The following RASSF5 variants were observed in gnomAD, a reference collection of about 807,000 sequenced individuals.
The protein encoded by RASSF5 is Ras association domain family member 5.
A neutral mutation model predicts 40.5 loss-of-function variants in RASSF5; 25 were observed. The ratio of observed to expected loss-of-function variants is 0.62; its 90% CI spans 0.45 to 0.86. The LOEUF is 0.86. Ranked by LOEUF, RASSF5 falls within the 40% of genes least tolerant of loss-of-function variation. RASSF5 has a pLI of 0.00. For synonymous variants in RASSF5, 246 were observed against 252.4 expected, an observed-to-expected ratio of 0.97 and a Z score of 0.24; for missense variants, 521 against 572.8, an observed-to-expected ratio of 0.91 and a Z score of 0.92.
chr1:206,536,212 C>T (rs1667389376), intron 1 of RASSF5, among the ~76,000 whole-genome samples: 1 of 152,126 alleles, frequency 6.6e-6, no homozygotes, highest in South Asian at 2.1e-4. Context: ...CATGTGGGTG[C>T]CTGCAGGTAG....
At chr1:206,518,247 C>T (rs1004936136) in intron 1 of RASSF5, 1 of 394,870 alleles carries the variant, frequency 2.5e-6, no homozygotes, top group East Asian at 3.6e-5. Context: ...CATCGTCAGT[C>T]GTTGAGGGTA....
rs150826864 is a variant in RASSF5, at chr1:206,509,788, G to C, written c.457+1729G>C. Among the ~76,000 whole-genome samples, 521 of 151,920 alleles carry C rather than the reference G, an allele frequency of 3.4e-3. 3 individuals are homozygous for C. Among genetic ancestry groups the C allele is most frequent in the African/African-American group, 0.012 (494 of 41,398 alleles). ...TGTGTATTTGCGTGTGCCTGTGTGT[G>C]ATACTCCATGACTAAATGAATTGAT... On this transcript the variant is annotated intron_variant, in intron 1 of 5. Transcript: ENST00000579436.
chr1:206,528,878 A>G (rs1553397570), intron 1 of RASSF5: 2 of 496,312 alleles, frequency 4.0e-6, no homozygotes, highest in Non-Finnish European at 7.0e-6. Flanking sequence ...TCTCTACAAA[A>G]AATTAAAAAA....
At chr1:206,557,347 A>G in intron 2 of RASSF5, 1 of 1,302,566 alleles carries the variant, frequency 7.7e-7, no homozygotes, top group South Asian at 2.1e-5. Flanking sequence ...CGGCGCGGGG[A>G]CAGGAGCAGG....
Position 206,584,288 on chromosome 1 carries a change from G to T in RASSF5, c.691-99G>T. 8.4e-7 allele frequency: 1 copy of T among 1,193,890 alleles called. No homozygotes were observed. The highest frequency in any genetic ancestry group is 1.5e-5 in the African/African-American group (1 of 65,182). 74.0% of individuals were successfully genotyped at this position (1,193,890 alleles called of 1,614,324 possible). ...TCAGCAGAGGCAGGAAAGAACTCAA[G>T]GAGACAGGTGGGTGCTGCTGGGGCA... is the stretch of plus-strand genomic sequence containing the variant. On this transcript the variant is annotated intron_variant, in intron 3 of 5. Transcript: ENST00000579436. This position sits in a 1 kb window ranked among gnomAD's most constrained non-coding sequence, Gnocchi z 4.9.
intron 2 of RASSF5, among the ~76,000 whole-genome samples, chr1:206,550,843 C>T (rs782321109): frequency 2.6e-5 from 4 of 152,146 alleles, no homozygotes; most frequent in Non-Finnish European, 5.9e-5. Context: ...AATATGGTAA[C>T]GCTCCAAAAT....
At chr1:206,582,660 A>C (rs554236343) in intron 2 of RASSF5, among the ~76,000 whole-genome samples, 149 of 152,334 alleles carry the variant, frequency 9.8e-4, no homozygotes, top group Admixed American at 2.6e-3. Flanking sequence ...CGTTCATTTG[A>C]CAAATAGATA....
intron 1 of RASSF5, among the ~76,000 whole-genome samples, chr1:206,515,245 G>A (rs930137621): frequency 5.3e-5 from 8 of 152,232 alleles, no homozygotes; most frequent in Non-Finnish European, 1.0e-4. Context: ...CCAGGGCTGG[G>A]TAATTGAGAG....
chr1:206,585,065 G>A (rs965172010), intron 4 of RASSF5, 115 bp from the exon 5 acceptor site: 105 of 728,250 alleles, frequency 1.4e-4, no homozygotes, highest in African/African-American at 1.2e-3. Flanking sequence ...TAAAAGGCCC[G>A]TGTCTACTTC....
In RASSF5 at chr1:206,584,379, G is replaced by A. The variant is rs782607936; in HGVS notation, c.691-8G>A. On this transcript the variant is annotated splice_region_variant and splice_polypyrimidine_tract_variant and intron_variant, in intron 3 of 5. Transcript: ENST00000579436. This position sits in a 1 kb window ranked among gnomAD's most constrained non-coding sequence, Gnocchi z 4.9. ...CCCTGACCCCCTGTGACATGCCCCC[G>A]CTGGCAGAGTGAAGACGGCACCTAC... 20 of 1,604,732 alleles carry A rather than the reference G, an allele frequency of 1.2e-5. No homozygotes were observed. The highest frequency in any genetic ancestry group is 1.0e-4 in the South Asian group (9 of 89,682).
At chr1:206,559,667 G>A (rs1452048783) in intron 2 of RASSF5, among the ~76,000 whole-genome samples, 1 of 152,206 alleles carries the variant, frequency 6.6e-6, no homozygotes, top group East Asian at 1.9e-4. Context: ...CAGAAGACAG[G>A]AATCCCTTCT....
chr1:206,544,974 T>TG (rs1459124944), intron 2 of RASSF5: 2 of 151,368 alleles, frequency 1.3e-5, no homozygotes, highest in African/African-American at 2.4e-5. Context: ...GATGACCACG[T>TG]GGGGGAGCCA....
chr1:206,521,173 T>C (rs1046321698), intron 1 of RASSF5, among the ~76,000 whole-genome samples: 1 of 152,156 alleles, frequency 6.6e-6, no homozygotes, highest in Admixed American at 6.5e-5. Flanking sequence ...AAAAGGCTGC[T>C]AGGGGGGTCT....
At position 206,513,002 on chromosome 1, in the gene RASSF5, G is replaced by A. The variant is rs1339932122; in HGVS notation, c.457+4943G>A. On this transcript the variant is annotated intron_variant, in intron 1 of 5. Coordinates refer to ENST00000579436, the MANE Select transcript of RASSF5 (RefSeq NM_182663.4). This position sits in a 1 kb window ranked among gnomAD's most constrained non-coding sequence, Gnocchi z 5.0. ...GGAGTCACCTGCTGGCTTTGCCAGG[G>A]ACAGTGGTAAAGTTAGAACCTCTCG... Among the ~76,000 whole-genome samples, 3 of 152,210 alleles carry A rather than the reference G, an allele frequency of 2.0e-5. No individual in the cohort carries two copies. The highest frequency in any genetic ancestry group is 2.9e-5 in the Non-Finnish European group (2 of 68,044).
chr1:206,532,555 A>G (rs1348581677), intron 1 of RASSF5, among the ~76,000 whole-genome samples: 2 of 152,224 alleles, frequency 1.3e-5, no homozygotes, highest in Non-Finnish European at 2.9e-5. Flanking sequence ...AGGTTTGCTT[A>G]AGATTGGCTT....
chr1:206,572,881 T>A (rs1553404464), intron 2 of RASSF5, among the ~76,000 whole-genome samples: 2 of 152,194 alleles, frequency 1.3e-5, no homozygotes, highest in Non-Finnish European at 2.9e-5. Context: ...ATGAAAGTCA[T>A]AATGTGGCCT....
At chr1:206,580,507 C>T (rs1553406072) in intron 2 of RASSF5, among the ~76,000 whole-genome samples, 1 of 152,160 alleles carries the variant, frequency 6.6e-6, no homozygotes, top group African/African-American at 2.4e-5. Context: ...GGGGTAGGGC[C>T]AGGGTCAGGC....
rs782230383 is a variant in RASSF5 at position 206,586,933 on chromosome 1, G to A, written c.1212G>A (p.Gln404=). Reference sequence around the variant, plus strand: ...AAAAGAAGTATGACAAGTTTAGGCAGAAACTGGAGGAGGCCTTAAGAGAAT... The same window carrying A: ...AAAAGAAGTATGACAAGTTTAGGCAAAAACTGGAGGAGGCCTTAAGAGAAT... The part of the protein sequence containing the change: ...QVQKKYDKFR[Q]KLEEALRESQ... Residue 404 remains glutamine, a synonymous_variant, in exon 6 of 6, where the codon CAG becomes CAA. Coordinates refer to ENST00000579436, the MANE Select transcript of RASSF5 (RefSeq NM_182663.4). 2 of 1,614,186 alleles carry A rather than the reference G, an allele frequency of 1.2e-6. No homozygotes were observed. The highest frequency in any genetic ancestry group is 8.5e-7 in the Non-Finnish European group (1 of 1,180,004).
chr1:206,569,738 C>A (rs1668388749), intron 2 of RASSF5, among the ~76,000 whole-genome samples: 1 of 152,224 alleles, frequency 6.6e-6, no homozygotes, highest in East Asian at 1.9e-4. Context: ...TGCCCCTGAC[C>A]TTTCTGGGCA....
Sources: gnomAD v4.1 joint callset for allele counts (sites outside exome capture counted in the v4.1 genomes callset) on GRCh38, gnomAD v4.1.1 for gene constraint, Gnocchi (gnomAD v3.1) non-coding constraint, MANE v1.5 for transcripts, NCBI Gene and HGNC (gene_info 2026-07-23, HGNC 2026-07-21) for gene names.